Variants in MYO3B observed in about 807,000 individuals in gnomAD.
MYO3B encodes the protein myosin-IIIb.
MYO3B carries 156 observed loss-of-function variants against 174.6 expected under a neutral mutation model. The ratio of observed to expected loss-of-function variants is 0.89; its 90% CI spans 0.78 to 1.02. MYO3B has a LOEUF of 1.02. Ranked by LOEUF, MYO3B falls within the 50% of genes least tolerant of loss-of-function variation. The pLI is 0.00. For synonymous variants in MYO3B, 563 were observed against 569.1 expected (o/e 0.99, Z 0.15); for missense variants, 1,632 against 1,639.4 (o/e 1.00, Z 0.08).
At chr2:170,614,083 GCT>G (rs534389950) in intron 32 of MYO3B, among the ~76,000 whole-genome samples, 1 of 151,960 alleles carries the variant, frequency 6.6e-6, no homozygotes, top group Non-Finnish European at 1.5e-5. Context: ...CAATCCTCGT[GCT>G]CTCTCTCCCA....
chr2:170,284,191 T>C (rs2093536747), intron 7 of MYO3B, among the ~76,000 whole-genome samples: 1 of 152,194 alleles, frequency 6.6e-6, no homozygotes. Context: ...CCTCTAATTA[T>C]GGGACCAATT....
intron 7 of MYO3B, among the ~76,000 whole-genome samples, chr2:170,271,031 G>C (rs1471986061): frequency 6.6e-6 from 1 of 152,198 alleles, no homozygotes; most frequent in African/African-American, 2.4e-5. Flanking sequence ...TTGAAAGGCA[G>C]TTATATTTAT....
intron 7 of MYO3B, among the ~76,000 whole-genome samples, chr2:170,322,947 G>A (rs1226871129): frequency 6.6e-6 from 1 of 152,112 alleles, no homozygotes; most frequent in Non-Finnish European, 1.5e-5. Flanking sequence ...TTCATCTGAG[G>A]TCTGCCCTGA....
At chr2:170,186,124 C>T (rs1048530606) in intron 1 of MYO3B, among the ~76,000 whole-genome samples, 2 of 152,148 alleles carry the variant, frequency 1.3e-5, no homozygotes, top group African/African-American at 4.8e-5. Flanking sequence ...CCTTTTATTT[C>T]TCTCTCTTGT....
chr2:170,275,268 A>G (rs2093456150), intron 7 of MYO3B, among the ~76,000 whole-genome samples: 1 of 152,218 alleles, frequency 6.6e-6, no homozygotes, highest in Admixed American at 6.5e-5. Flanking sequence ...ATGACAATTT[A>G]TGAAGGTTGC....
chr2:170,447,443 C>T (rs916292635), intron 23 of MYO3B, among the ~76,000 whole-genome samples: 2 of 152,046 alleles, frequency 1.3e-5, no homozygotes, highest in African/African-American at 2.4e-5. Context: ...AAATAGGGAG[C>T]GCTAACTAAG....
chr2:170,281,870 A>G (rs2093513805), intron 7 of MYO3B, among the ~76,000 whole-genome samples: 1 of 152,208 alleles, frequency 6.6e-6, no homozygotes, highest in Non-Finnish European at 1.5e-5. Context: ...ACAATTAGAA[A>G]TGATGACGGG....
At chr2:170,461,090 T>C (rs1011790350) in intron 23 of MYO3B, among the ~76,000 whole-genome samples, 1 of 152,156 alleles carries the variant, frequency 6.6e-6, no homozygotes, top group African/African-American at 2.4e-5. Flanking sequence ...TGGTGCTCAC[T>C]AGTTAATTTG....
intron 23 of MYO3B, among the ~76,000 whole-genome samples, 154 bp from the exon 24 acceptor site, chr2:170,463,214 T>C (rs1240053016): frequency 6.6e-6 from 1 of 152,206 alleles, no homozygotes; most frequent in Non-Finnish European, 1.5e-5. Flanking sequence ...CGTTTCTATG[T>C]TTTGAAAAAT....
intron 1 of MYO3B, among the ~76,000 whole-genome samples, chr2:170,181,642 A>G (rs11893658): frequency 0.36 from 54,322 of 151,940 alleles, 9,842 homozygotes; most frequent in Non-Finnish European, 0.39. Flanking sequence ...GTTGTTTTTA[A>G]ATTTTGAATA....
At chr2:170,270,984 C>G (rs565304381) in intron 7 of MYO3B, among the ~76,000 whole-genome samples, 36 of 152,298 alleles carry the variant, frequency 2.4e-4, no homozygotes, top group African/African-American at 7.9e-4. Context: ...CGTTTATAAG[C>G]ATATCCACAT....
intron 19 of MYO3B, 79 bp from the exon 20 acceptor site, chr2:170,404,168 A>T: frequency 7.0e-7 from 1 of 1,435,856 alleles, no homozygotes; most frequent in African/African-American, 1.4e-5. Context: ...TGCTAGACCC[A>T]GAAAGTCCAT....
intron 8 of MYO3B, chr2:170,346,541 C>G (rs1473608859): frequency 1.3e-5 from 2 of 152,136 alleles, no homozygotes; most frequent in East Asian, 3.9e-4. Context: ...TAAAACCATA[C>G]TGTATTTTCT....
intron 6 of MYO3B, among the ~76,000 whole-genome samples, chr2:170,221,625 G>A (rs950150328): frequency 6.6e-6 from 1 of 152,228 alleles, no homozygotes; most frequent in Non-Finnish European, 1.5e-5. Context: ...CAGCAGTGTA[G>A]GAGAAGAGTT....
At position 170,592,203 on chromosome 2, in the gene MYO3B, T is replaced by A. The variant is rs548742586; in HGVS notation, c.3733+48215T>A. On this transcript the variant is annotated intron_variant, in intron 32 of 34. Coordinates refer to ENST00000408978, the MANE Select transcript of MYO3B (RefSeq NM_138995.5). The stretch of plus-strand genomic sequence containing the variant: ...GTTCTCGTATGTGCCATTCTGTTGA[T>A]AGAGGTACTTTTTGAGGATGTTTCA... 1.2e-4 allele frequency among the ~76,000 whole-genome samples: 19 copies of A among 152,278 alleles called. 1 individual carries two copies. The highest frequency in any genetic ancestry group is 2.4e-4 in the Non-Finnish European group (16 of 68,026).
At chr2:170,448,721 A>C (rs1405781207) in intron 23 of MYO3B, among the ~76,000 whole-genome samples, 1 of 152,228 alleles carries the variant, frequency 6.6e-6, no homozygotes, top group Non-Finnish European at 1.5e-5. Context: ...CTCACAGATA[A>C]TTTAGAATTT....
intron 32 of MYO3B, among the ~76,000 whole-genome samples, chr2:170,635,026 A>G (rs1441901524): frequency 5.9e-5 from 9 of 152,248 alleles, no homozygotes; most frequent in Non-Finnish European, 1.0e-4. Flanking sequence ...AGTGCAAACT[A>G]GTTCAACCAT....
intron 29 of MYO3B, 46 bp from the exon 30 acceptor site, chr2:170,519,392 T>C (rs754010088): frequency 1.3e-6 from 2 of 1,535,060 alleles, no homozygotes; most frequent in South Asian, 2.3e-5. Flanking sequence ...AAGCTAACCC[T>C]ACCTACTTCT....
chr2:170,574,914 CCTCTT>C (rs1165135160), intron 32 of MYO3B, among the ~76,000 whole-genome samples: 1 of 152,108 alleles, frequency 6.6e-6, no homozygotes, highest in African/African-American at 2.4e-5. Flanking sequence ...TCTCCCTCTC[CCTCTT>C]CTCTTTCCCC....
Sources: gnomAD v4.1 joint callset for allele counts (sites outside exome capture counted in the v4.1 genomes callset) on GRCh38, gnomAD v4.1.1 for gene constraint, MANE v1.5 for transcripts, NCBI Gene and HGNC (gene_info 2026-07-23, HGNC 2026-07-21) for gene names.